Variants in DNAH14 observed in about 807,000 individuals in gnomAD.
DNAH14 encodes axonemal beta dynein heavy chain 14.
DNAH14 carries 478 observed loss-of-function variants against 520.9 expected under a neutral mutation model. The ratio of observed to expected loss-of-function variants is 0.92; its 90% CI spans 0.85 to 0.99. DNAH14 has a LOEUF of 0.99. Among genes scored for constraint, DNAH14 ranks in the 50% least tolerant of loss-of-function variants. The pLI, the probability that DNAH14 is intolerant of heterozygous loss-of-function variation, is 0.00. For missense variants in DNAH14, 4,831 were observed against 5,234.5 expected (o/e 0.92, Z 2.38); for synonymous variants, 1,581 against 1,757.2 (o/e 0.90, Z 2.51).
intron 21 of DNAH14, among the ~76,000 whole-genome samples, chr1:225,095,395 G>A (rs1435459676): frequency 6.6e-6 from 1 of 152,018 alleles, no homozygotes; most frequent in Admixed American, 6.6e-5. Flanking sequence ...AACTAAGACA[G>A]GAACAGTAAA....
intron 15 of DNAH14, among the ~76,000 whole-genome samples, chr1:225,045,265 C>T (rs1229676702): frequency 2.7e-5 from 4 of 149,440 alleles, no homozygotes; most frequent in African/African-American, 9.9e-5. Context: ...AATGTTTCTA[C>T]TGTTTTTTTT....
rs1491375465 is a variant in DNAH14, at chr1:225,335,606, T to TGC, written c.10081-1660_10081-1659insGC. Among the ~76,000 whole-genome samples, 11 of 140,526 alleles carry TGC rather than the reference T, an allele frequency of 7.8e-5. 1 individual carries two copies. The highest frequency in any genetic ancestry group is 1.6e-4 in the Non-Finnish European group (10 of 63,418). The allele number at this position is 140,526 out of a possible 152,430, so 92.2% of individuals were successfully genotyped here. A position where few individuals can be genotyped will look rare whatever the true frequency, so the allele number is the denominator to read the frequency against. ...GTGCATATATGTATATACGCATACG[T>TGC]ATATGTGTATATACGCATATATACA... is the stretch of plus-strand genomic sequence containing the variant. On this transcript the variant is annotated intron_variant, in intron 66 of 85. Transcript: ENST00000682510.
At chr1:225,342,683 AACACAC>A (rs10572962) in intron 69 of DNAH14, among the ~76,000 whole-genome samples, 2,232 of 148,096 alleles carry the variant, frequency 0.015, 48 homozygotes, top group African/African-American at 0.048. Context: ...ATTTCTCATA[AACACAC>A]ACACACACAC....
In DNAH14 at chr1:225,332,751, T is replaced by G. The variant is rs186829841; in HGVS notation, c.9865-540T>G. ...GGCTCATGTCTGTAATCCCAGCTCT[T>G]TGGGAGGCCAAGGCTGGAGGATTGC... On this transcript the variant is annotated intron_variant, in intron 65 of 85. Coordinates refer to ENST00000682510, the MANE Select transcript of DNAH14 (RefSeq NM_001367479.1). Among the ~76,000 whole-genome samples, 54 of 151,668 alleles carry G rather than the reference T, an allele frequency of 3.6e-4. No homozygotes were observed. In the East Asian group the frequency reaches 9.1e-3, roughly 26 times the overall value.
chr1:225,009,631 A>AT (rs1331475215), intron 10 of DNAH14, among the ~76,000 whole-genome samples: 2 of 152,162 alleles, frequency 1.3e-5, no homozygotes, highest in Non-Finnish European at 2.9e-5. Flanking sequence ...GTTTTTTCTA[A>AT]TTACGTGAAG....
chr1:225,189,708 GC>G (rs1432551713), intron 37 of DNAH14, among the ~76,000 whole-genome samples: 2 of 151,774 alleles, frequency 1.3e-5, no homozygotes, highest in African/African-American at 4.8e-5. Context: ...TCTCTTGTAT[GC>G]AACATATATT....
chr1:225,089,856 T>A lies in DNAH14; in HGVS notation c.3573+4067T>A, dbSNP rs3120988. On this transcript the variant is annotated intron_variant, in intron 21 of 85. Transcript: ENST00000682510. ...TAAAGAACATCTATGAAAAACATTT[T>A]GTCCTTAATAGTGAAAGACTGAACG... 2.5e-3 allele frequency among the ~76,000 whole-genome samples: 378 copies of A among 152,322 alleles called. 2 individuals carry two copies. Among genetic ancestry groups the A allele is most frequent in the African/African-American group, 8.4e-3 (348 of 41,592 alleles).
chr1:225,345,950 G>T lies in DNAH14; in HGVS notation c.10679-12G>T, dbSNP rs1381116211. On this transcript the variant is annotated splice_polypyrimidine_tract_variant and intron_variant, in intron 69 of 85. Transcript: ENST00000682510. ...TAGTCTTTATTTAACTTCACTTTTT[G>T]TTTGTCTTTAGGATCCATATTAGAT... is the stretch of plus-strand genomic sequence containing the variant. 8 of 1,529,528 alleles carry T rather than the reference G, an allele frequency of 5.2e-6. No homozygotes were observed. In the Admixed American group the frequency reaches 8.6e-5, roughly 16 times the overall value. The allele number at this position is 1,529,528 out of a possible 1,614,324, so 94.7% of individuals were successfully genotyped here.
chr1:225,307,754 C>CA (rs1345048373), intron 59 of DNAH14, among the ~76,000 whole-genome samples, 185 bp downstream of exon 59: 5 of 151,848 alleles, frequency 3.3e-5, no homozygotes, highest in Non-Finnish European at 1.5e-5. Context: ...ATGAGAAGAA[C>CA]AAAAAAGCAG....
At chr1:225,001,358 A>G (rs1163333442) in intron 8 of DNAH14, among the ~76,000 whole-genome samples, 1 of 152,164 alleles carries the variant, frequency 6.6e-6, no homozygotes, top group Non-Finnish European at 1.5e-5. Flanking sequence ...GGAATCCAGT[A>G]CCTGAGTAGT....
At chr1:225,058,557 T>C (rs2069508944) in intron 17 of DNAH14, among the ~76,000 whole-genome samples, 1 of 152,236 alleles carries the variant, frequency 6.6e-6, no homozygotes. Context: ...CTAAGTTATT[T>C]CTTGCCTTCT....
intron 34 of DNAH14, among the ~76,000 whole-genome samples, chr1:225,154,841 AT>A (rs2080871379): frequency 1.3e-5 from 2 of 152,080 alleles, no homozygotes. Context: ...TCAAAAATAC[AT>A]TTTTTGAAGT....
chr1:225,055,708 C>G (rs1407884631), intron 17 of DNAH14, among the ~76,000 whole-genome samples: 2 of 144,420 alleles, frequency 1.4e-5, no homozygotes, highest in Non-Finnish European at 3.0e-5. Context: ...ACAATAGGCC[C>G]TGTTGTGTGA....
intron 23 of DNAH14, among the ~76,000 whole-genome samples, chr1:225,103,688 G>T (rs1412830034): frequency 1.3e-5 from 2 of 152,098 alleles, no homozygotes; most frequent in Non-Finnish European, 2.9e-5. Context: ...ATGGCTCTCT[G>T]TTTGTCTGTC....
intron 42 of DNAH14, among the ~76,000 whole-genome samples, chr1:225,231,356 G>A (rs1218541149): frequency 6.6e-6 from 1 of 152,072 alleles, no homozygotes; most frequent in African/African-American, 2.4e-5. Context: ...GAAGTAATAT[G>A]CATTATAGGA....
chr1:225,394,389 T>C (rs1322792841), intron 84 of DNAH14, among the ~76,000 whole-genome samples: 1 of 152,246 alleles, frequency 6.6e-6, no homozygotes, highest in African/African-American at 2.4e-5. Context: ...AAAATTTTTT[T>C]GTTTTAACAA....
At chr1:225,078,663 G>A (rs190917429) in intron 17 of DNAH14, among the ~76,000 whole-genome samples, 11 of 152,248 alleles carry the variant, frequency 7.2e-5, no homozygotes, top group Non-Finnish European at 1.6e-4. Flanking sequence ...GGTCACTGGT[G>A]AGAGGTGATT....
At chr1:225,102,162 T>C (rs911878424) in intron 23 of DNAH14, among the ~76,000 whole-genome samples, 3 of 151,472 alleles carry the variant, frequency 2.0e-5, no homozygotes, top group African/African-American at 7.3e-5. Context: ...CTCCTTGCGA[T>C]AGTTTGCTGA....
At chr1:225,375,960 C>T (rs1026950553) in intron 78 of DNAH14, among the ~76,000 whole-genome samples, 1 of 151,104 alleles carries the variant, frequency 6.6e-6, no homozygotes, top group Non-Finnish European at 1.5e-5. Flanking sequence ...TGATGGTGTG[C>T]ACTTGTAGTC....
Sources: gnomAD v4.1 joint callset for allele counts (sites outside exome capture counted in the v4.1 genomes callset) on GRCh38, gnomAD v4.1.1 for gene constraint, MANE v1.5 for transcripts, NCBI Gene and HGNC (gene_info 2026-07-23, HGNC 2026-07-21) for gene names.